The following MYBPC1 variants were observed in gnomAD, a reference collection of about 807,000 sequenced individuals.
MYBPC1 encodes myosin-binding protein C, slow-type.
In MYBPC1, 52 loss-of-function variants were observed where a neutral mutation model predicts 147.1. The observed-to-expected ratio is 0.35, with a 90% confidence interval of 0.28 to 0.45. MYBPC1 has a LOEUF of 0.45. MYBPC1 is among the 20% of genes least tolerant of loss of function. The pLI, the probability that MYBPC1 is intolerant of heterozygous loss-of-function variation, is 1.00. For missense variants in MYBPC1, 1,228 were observed against 1,440.3 expected (o/e 0.85, Z 2.39); for synonymous variants, 477 against 475.9 (o/e 1.00, Z -0.03).
chr12:101,669,665 G>A (rs929262190), intron 23 of MYBPC1, among the ~76,000 whole-genome samples: 11 of 152,068 alleles, frequency 7.2e-5, no homozygotes, highest in South Asian at 2.1e-4. Flanking sequence ...GGCCAGACGC[G>A]GTGGCTCATG....
At chr12:101,688,186 G>A (rs926041643), downstream of MYBPC1, among the ~76,000 whole-genome samples, 21 of 152,152 alleles carry the variant, frequency 1.4e-4, no homozygotes, top group African/African-American at 4.3e-4. Flanking sequence ...TTTAGAGGCC[G>A]AGGCGGGCAG....
intron 1 of MYBPC1, among the ~76,000 whole-genome samples, chr12:101,596,534 T>C (rs1323359681): frequency 6.6e-6 from 1 of 152,226 alleles, no homozygotes. Context: ...ATTCTGAATT[T>C]AGTGAATGAT....
chr12:101,624,730 T>C (rs1888197730), intron 3 of MYBPC1, among the ~76,000 whole-genome samples: 1 of 110,392 alleles, frequency 9.1e-6, no homozygotes, highest in African/African-American at 3.8e-5. Context: ...TCTTGTTATG[T>C]TGCCCAGGCA....
intron 3 of MYBPC1, among the ~76,000 whole-genome samples, chr12:101,618,287 C>T (rs904116181): frequency 2.6e-5 from 4 of 152,248 alleles, no homozygotes; most frequent in Non-Finnish European, 5.9e-5. Flanking sequence ...GAACGCATAA[C>T]GTTAGTATAC....
At chr12:101,688,431 T>A (rs966986004), downstream of MYBPC1, among the ~76,000 whole-genome samples, 1 of 151,980 alleles carries the variant, frequency 6.6e-6, no homozygotes, top group Non-Finnish European at 1.5e-5. Context: ...AAAAAAATTT[T>A]TTTTAAGGTT....
At chr12:101,636,346 C>A (rs953368484) in intron 9 of MYBPC1, among the ~76,000 whole-genome samples, 9 of 152,140 alleles carry the variant, frequency 5.9e-5, no homozygotes, top group Non-Finnish European at 1.3e-4. Flanking sequence ...CCCCAACTTG[C>A]AAAAACAAAG....
intron 15 of MYBPC1, 73 bp from the exon 16 acceptor site, chr12:101,651,158 A>G: frequency 1.3e-6 from 2 of 1,527,462 alleles, no homozygotes; most frequent in Non-Finnish European, 1.8e-6. Context: ...TCACTATACC[A>G]TTGTGAAATG....
At position 101,651,349 on chromosome 12, in the gene MYBPC1, A is replaced by G. The variant is rs1894398049; in HGVS notation, c.1482A>G (p.Leu494=). 1 of 1,614,164 alleles carries G rather than the reference A, an allele frequency of 6.2e-7. No individual in the cohort carries two copies. Among genetic ancestry groups the G allele is most frequent in the Non-Finnish European group, 8.5e-7 (1 of 1,180,000 alleles). Residue 494 remains leucine, a synonymous_variant, in exon 16 of 32, where the codon CTA becomes CTG. Coordinates refer to ENST00000361466, the MANE Select transcript of MYBPC1 (RefSeq NM_002465.4). The part of the protein sequence containing the change: ...NIPGKWTKNG[L]PVQESDRLKV... The stretch of plus-strand genomic sequence containing the variant: ...CAGGAAAATGGACTAAAAATGGCCT[A>G]CCTGTTCAGGAGAGTGACCGTCTAA...
intron 22 of MYBPC1, chr12:101,666,843 T>A (rs1009040127): frequency 6.5e-7 from 1 of 1,548,822 alleles, no homozygotes; most frequent in African/African-American, 1.4e-5. Flanking sequence ...TATATTATAA[T>A]GTTTCTGGGA....
At chr12:101,662,764 A>G (rs1896783304) in intron 21 of MYBPC1, among the ~76,000 whole-genome samples, 3 of 152,228 alleles carry the variant, frequency 2.0e-5, no homozygotes, top group African/African-American at 4.8e-5. Context: ...ATTCGTTACC[A>G]TAATTCCAGT....
At chr12:101,605,593 G>C (rs1008162082) in intron 1 of MYBPC1, among the ~76,000 whole-genome samples, 4 of 152,198 alleles carry the variant, frequency 2.6e-5, no homozygotes, top group Non-Finnish European at 1.5e-5. Context: ...GGGCATGGTG[G>C]CTCATGCCTA....
At chr12:101,644,886 T>G in intron 12 of MYBPC1, 90 bp downstream of exon 12, 1 of 1,270,222 alleles carries the variant, frequency 7.9e-7, no homozygotes. Flanking sequence ...AAAAGGATAT[T>G]TATATTTTCA....
chr12:101,629,647 C>A, intron 6 of MYBPC1, 103 bp downstream of exon 6: 1 of 815,020 alleles, frequency 1.2e-6, no homozygotes, highest in Non-Finnish European at 2.0e-6. Context: ...TCCAGACAGG[C>A]AGATCATTTG....
At chr12:101,628,980 G>A (rs1002953603) in intron 5 of MYBPC1, 1 of 234,090 alleles carries the variant, frequency 4.3e-6, no homozygotes, top group South Asian at 6.6e-5. Flanking sequence ...TCTGACCCTT[G>A]TCAGACAGTT....
chr12:101,617,141 C>T (rs1341458761), intron 2 of MYBPC1, 61 bp from the exon 3 acceptor site: 4 of 1,540,154 alleles, frequency 2.6e-6, no homozygotes, highest in African/African-American at 2.7e-5. Context: ...CACCCCGTTG[C>T]TCATCACACA....
chr12:101,649,813 A>G (rs569527872), intron 15 of MYBPC1, among the ~76,000 whole-genome samples: 1 of 152,344 alleles, frequency 6.6e-6, no homozygotes, highest in African/African-American at 2.4e-5. Flanking sequence ...TTCAAACCAA[A>G]AGGGCTCAAT....
chr12:101,677,315 C>T lies in MYBPC1; in HGVS notation c.3030C>T (p.Phe1010=). The T allele has an allele frequency of 1.2e-6, 2 of 1,613,878 alleles. No homozygotes were observed. Among genetic ancestry groups the T allele is most frequent in the Non-Finnish European group, 1.7e-6 (2 of 1,179,906 alleles). Residue 1010 remains phenylalanine (F), a synonymous_variant, in exon 27 of 32, where the codon TTC becomes TTT. Transcript: ENST00000361466. ...TELVIGNEYY[F]RVFSENMCGL... is the part of the protein sequence containing the mutation. ...TGGTCATAGGGAATGAATATTACTT[C>T]CGGGTCTTTTCTGAAAACATGTGTG...
intron 13 of MYBPC1, among the ~76,000 whole-genome samples, chr12:101,647,344 A>C (rs971059335): frequency 2.0e-5 from 3 of 152,140 alleles, no homozygotes; most frequent in Non-Finnish European, 2.9e-5. Flanking sequence ...ATGACAGACA[A>C]CCCTGAGATC....
intron 25 of MYBPC1, among the ~76,000 whole-genome samples, chr12:101,674,449 C>T (rs996751677): frequency 2.0e-5 from 3 of 152,070 alleles, no homozygotes; most frequent in Non-Finnish European, 4.4e-5. Context: ...TAGTTAGATA[C>T]GTACCTGCCC....
Sources: allele counts gnomAD v4.1 joint callset (sites outside exome capture counted in the v4.1 genomes callset), GRCh38; gene constraint gnomAD v4.1.1; transcripts MANE v1.5; gene names NCBI Gene and HGNC (gene_info 2026-07-23, HGNC 2026-07-21).